The following GBE1 variants were observed in gnomAD, a reference collection of about 807,000 sequenced individuals.
GBE1 encodes 1,4-alpha-glucan-branching enzyme.
GBE1 carries 70 observed loss-of-function variants against 88.8 expected under a neutral mutation model. That is an observed-to-expected ratio of 0.79 (90% CI 0.65 to 0.96). The LOEUF is 0.96. GBE1 is among the 40% of genes least tolerant of loss of function. The pLI is 0.00. For missense variants in GBE1, 872 were observed against 871.0 expected (o/e 1.00, Z -0.01); for synonymous variants, 284 against 300.1 (o/e 0.95, Z 0.56).
intron 7 of GBE1, among the ~76,000 whole-genome samples, chr3:81,637,023 CA>C (rs1704601892): frequency 6.6e-6 from 1 of 152,024 alleles, no homozygotes; most frequent in South Asian, 2.1e-4. Flanking sequence ...TGGATAATAC[CA>C]AACCCTATAT....
At chr3:81,734,268 A>G (rs1706225974) in intron 1 of GBE1, among the ~76,000 whole-genome samples, 1 of 152,202 alleles carries the variant, frequency 6.6e-6, no homozygotes, top group African/African-American at 2.4e-5. Flanking sequence ...TCTCCATTCA[A>G]AAATGAAGCT....
chr3:81,698,131 A>T (rs979905494), intron 2 of GBE1, among the ~76,000 whole-genome samples: 1 of 150,716 alleles, frequency 6.6e-6, no homozygotes, highest in Non-Finnish European at 1.5e-5. Flanking sequence ...AAATCCCAGA[A>T]GGTAAAGATG....
chr3:81,563,573 C>T (rs538558631), intron 12 of GBE1, among the ~76,000 whole-genome samples: 1 of 151,944 alleles, frequency 6.6e-6, no homozygotes, highest in Non-Finnish European at 1.5e-5. Flanking sequence ...ATCTTTATTC[C>T]TAGAGTAGCA....
intron 1 of GBE1, among the ~76,000 whole-genome samples, chr3:81,710,669 C>A (rs545669597): frequency 6.6e-6 from 1 of 152,036 alleles, no homozygotes; most frequent in Non-Finnish European, 1.5e-5. Flanking sequence ...GAGCATTACC[C>A]GCAATATTCA....
chr3:81,726,235 T>C (rs1706110228), intron 1 of GBE1, among the ~76,000 whole-genome samples: 1 of 85,040 alleles, frequency 1.2e-5, no homozygotes, highest in African/African-American at 9.0e-5. Flanking sequence ...CTCTTGAGGG[T>C]GTGGGAGCTG....
In GBE1 at chr3:81,686,478, C is replaced by T. The variant is rs1367264000; in HGVS notation, c.314-15525G>A. On this transcript the variant is annotated intron_variant, in intron 2 of 15. Coordinates refer to ENST00000429644, the MANE Select transcript of GBE1 (RefSeq NM_000158.4). ...ATAGATAAATTTTAAAGACACTGGC[C>T]GGGCGCAGTGACTCACGCCTGTAAT... 2.6e-5 allele frequency among the ~76,000 whole-genome samples: 4 copies of T among 152,032 alleles called. No individual in the cohort carries two copies. In the South Asian group the frequency reaches 6.2e-4, roughly 24 times the overall value.
intron 1 of GBE1, among the ~76,000 whole-genome samples, chr3:81,750,553 A>ATATATATATATGTG: frequency 1.3e-5 from 1 of 74,236 alleles, no homozygotes; most frequent in African/African-American, 6.3e-5. Context: ...ATATATATGT[A>ATATATATATATGTG]TATATATATG....
intron 12 of GBE1, among the ~76,000 whole-genome samples, chr3:81,548,241 A>C (rs973916570): frequency 2.0e-5 from 3 of 151,608 alleles, no homozygotes; most frequent in African/African-American, 4.8e-5. Context: ...GGTTATAAAA[A>C]TTGTAAGGGT....
At chr3:81,596,534 C>T (rs913887552) in intron 7 of GBE1, among the ~76,000 whole-genome samples, 6 of 151,798 alleles carry the variant, frequency 4.0e-5, no homozygotes, top group African/African-American at 1.2e-4. Context: ...GCCTTTGTTG[C>T]ATAAGAAAAA....
intron 1 of GBE1, among the ~76,000 whole-genome samples, chr3:81,746,796 C>G (rs1367070892): frequency 1.3e-5 from 2 of 152,052 alleles, no homozygotes; most frequent in Non-Finnish European, 2.9e-5. Flanking sequence ...CCATATATAT[C>G]ACAAATTTTT....
chr3:81,529,330 G>C (rs1179238301), intron 14 of GBE1, among the ~76,000 whole-genome samples: 1 of 151,934 alleles, frequency 6.6e-6, no homozygotes, highest in Non-Finnish European at 1.5e-5. Context: ...TTAAAAAGCT[G>C]TTGTAGTTAG....
chr3:81,642,804 A>G lies in GBE1; in HGVS notation c.969T>C (p.Asp323=), dbSNP rs555689284. ...ACCTGGAGTAGGCAAACAATCTGCT[A>G]TCCCAAAGATCATGAGTCCCTCTAG... ...SGPRGTHDLW[D]SRLFAYSSWE... Residue 323 remains aspartate, a synonymous_variant, in exon 7 of 16, where the codon GAT becomes GAC. Coordinates refer to ENST00000429644, the MANE Select transcript of GBE1 (RefSeq NM_000158.4). 1.6e-5 allele frequency: 26 copies of G among 1,611,602 alleles called. No homozygotes were observed. Among genetic ancestry groups the G allele is most frequent in the South Asian group, 1.1e-4 (10 of 91,046 alleles).
intron 3 of GBE1, among the ~76,000 whole-genome samples, chr3:81,659,705 A>G (rs1704995827): frequency 6.6e-6 from 1 of 152,018 alleles, no homozygotes; most frequent in Admixed American, 6.6e-5. Flanking sequence ...CATGGAGGGA[A>G]AAAAAAGAAA....
chr3:81,635,272 G>A (rs1011857717), intron 7 of GBE1, among the ~76,000 whole-genome samples: 5 of 152,076 alleles, frequency 3.3e-5, no homozygotes, highest in Non-Finnish European at 4.4e-5. Flanking sequence ...AAGGAAGACC[G>A]AAGATCCAAG....
intron 12 of GBE1, among the ~76,000 whole-genome samples, chr3:81,540,614 T>C (rs1703131251): frequency 6.6e-6 from 1 of 152,104 alleles, no homozygotes; most frequent in Non-Finnish European, 1.5e-5. Flanking sequence ...AATGGCCTTA[T>C]TCCTTTCTTT....
chr3:81,626,757 C>A (rs964267036), intron 7 of GBE1, among the ~76,000 whole-genome samples: 4 of 146,084 alleles, frequency 2.7e-5, no homozygotes, highest in Non-Finnish European at 6.0e-5. Flanking sequence ...AAAAAAAAAT[C>A]TCTTCTATGT....
chr3:81,608,849 G>T (rs573708923), intron 7 of GBE1, among the ~76,000 whole-genome samples: 1 of 152,164 alleles, frequency 6.6e-6, no homozygotes, highest in African/African-American at 2.4e-5. Flanking sequence ...AGGGTATCCA[G>T]CTGAGTCTGA....
chr3:81,579,064 G>A (rs751513180), intron 11 of GBE1, among the ~76,000 whole-genome samples: 1 of 151,596 alleles, frequency 6.6e-6, no homozygotes, highest in Non-Finnish European at 1.5e-5. Flanking sequence ...TACAATCTCT[G>A]ATTCTATTAT....
chr3:81,567,371 T>C (rs1703507933), intron 12 of GBE1, among the ~76,000 whole-genome samples: 1 of 152,230 alleles, frequency 6.6e-6, no homozygotes, highest in Non-Finnish European at 1.5e-5. Flanking sequence ...TCCTGGTTCA[T>C]GGTTCTCAAT....
Sources: allele counts gnomAD v4.1 joint callset (sites outside exome capture counted in the v4.1 genomes callset), GRCh38; gene constraint gnomAD v4.1.1; transcripts MANE v1.5; gene names NCBI Gene and HGNC (gene_info 2026-07-23, HGNC 2026-07-21).